BCL9: variants seen among roughly 807,000 people sequenced by gnomAD.
The protein encoded by BCL9 is BCL9 transcription coactivator.
BCL9 carries 25 observed loss-of-function variants against 88.5 expected under a neutral mutation model. That is an observed-to-expected ratio of 0.28 (90% CI 0.21 to 0.39). BCL9 has a LOEUF of 0.39. Ranked by LOEUF, BCL9 falls within the 10% of genes least tolerant of loss-of-function variation. The pLI, the probability that BCL9 is intolerant of heterozygous loss-of-function variation, is 1.00. For synonymous variants in BCL9, 711 were observed against 673.3 expected, an observed-to-expected ratio of 1.06 and a Z score of -0.87; for missense variants, 1,817 against 1,877.8, an observed-to-expected ratio of 0.97 and a Z score of 0.60.
At chr1:147,573,000 T>C (rs1557831638) in intron 1 of BCL9, among the ~76,000 whole-genome samples, 1 of 152,262 alleles carries the variant, frequency 6.6e-6, no homozygotes, top group Non-Finnish European at 1.5e-5. Context: ...TGTTTCTGTA[T>C]GTGTGTACTC....
intron 1 of BCL9, among the ~76,000 whole-genome samples, chr1:147,587,455 T>C (rs1553199369): frequency 6.6e-6 from 1 of 152,208 alleles, no homozygotes; most frequent in African/African-American, 2.4e-5. Context: ...CCTGTCTTTT[T>C]TGTACTTGTT....
At chr1:147,592,482 T>C (rs1458881026) in intron 1 of BCL9, among the ~76,000 whole-genome samples, 1 of 152,118 alleles carries the variant, frequency 6.6e-6, no homozygotes, top group East Asian at 1.9e-4. Context: ...AGGATAGAGG[T>C]CTGGCCAGAT....
At position 147,619,783 on chromosome 1, in the gene BCL9, C is replaced by A. The variant is rs1313150157; in HGVS notation, c.1628C>A (p.Ser543Tyr). Residue 543 changes from serine (S) to tyrosine (Y), a missense_variant, in exon 8 of 10, where the codon TCT becomes TAT. Physicochemically the swap from Ser to Tyr is moderately radical, Grantham distance 144 (BLOSUM62 -2). Around this residue, in one of 2 missense-constraint regions of BCL9, gnomAD observed 1,228 missense variants for 1,191.6 expected, o/e 1.03. Transcript: ENST00000234739. This position sits in a 1 kb window ranked among gnomAD's most constrained non-coding sequence, Gnocchi z 4.1. ...PFSDGINMPH[S>Y]LPPRGMAPHP... ...TCTGATGGTATCAACATGCCACATTCTCTGCCCCCGAGGGGCATGGCTCCC... is the reference window on the plus strand; with the variant it reads ...TCTGATGGTATCAACATGCCACATTATCTGCCCCCGAGGGGCATGGCTCCC... 1.9e-6 allele frequency: 3 copies of A among 1,614,044 alleles called. No individual in the cohort carries two copies. In the South Asian group the frequency reaches 3.3e-5, roughly 18 times the overall value.
intron 1 of BCL9, among the ~76,000 whole-genome samples, chr1:147,559,847 A>T (rs1466679903): frequency 6.6e-6 from 1 of 152,180 alleles, no homozygotes. Flanking sequence ...GAAAAAGAAG[A>T]TTCTTTTCTG....
rs782672030 is a variant in BCL9 at position 147,619,595 on chromosome 1, T to C, written c.1440T>C (p.Tyr480=). The C allele has an allele frequency of 3.1e-6, 5 of 1,613,950 alleles. No individual in the cohort carries two copies. The highest frequency in any genetic ancestry group is 1.1e-5 in the South Asian group (1 of 91,074). The change falls in exon 8 of 10, where the codon TAT becomes TAC. Residue 480 remains tyrosine, a synonymous_variant. Transcript: ENST00000234739. The surrounding 1 kb of genome is among the most constrained non-coding windows in gnomAD (Gnocchi z 4.1). ...GGCTGAAACTGCAGCAGGAGTTTTA[T>C]GAAGAGAAGAGGAGGAAGCAGGAAC... is the stretch of plus-strand genomic sequence containing the variant. The part of the protein sequence containing the change: ...IAWLKLQQEF[Y]EEKRRKQEQV...
At chr1:147,544,545 T>C (rs1336677373) in intron 1 of BCL9, among the ~76,000 whole-genome samples, 1 of 152,254 alleles carries the variant, frequency 6.6e-6, no homozygotes, top group Non-Finnish European at 1.5e-5. Flanking sequence ...GGATAATTCA[T>C]GTTGACCGTG....
chr1:147,552,050 G>A (rs1374681676), intron 1 of BCL9, among the ~76,000 whole-genome samples: 1 of 152,120 alleles, frequency 6.6e-6, no homozygotes, highest in Non-Finnish European at 1.5e-5. Flanking sequence ...CATCCTGGTG[G>A]AGAGAGACAG....
intron 1 of BCL9, among the ~76,000 whole-genome samples, chr1:147,551,188 C>G (rs1260155544): frequency 2.0e-5 from 3 of 152,208 alleles, no homozygotes; most frequent in Non-Finnish European, 4.4e-5. Flanking sequence ...ATACCTTCAT[C>G]TCATAGTTGA....
chr1:147,596,635 A>C (rs1553200539), intron 1 of BCL9, among the ~76,000 whole-genome samples: 1 of 152,006 alleles, frequency 6.6e-6, no homozygotes, highest in South Asian at 2.1e-4. Flanking sequence ...GGATGGTCTC[A>C]ATCTCCTGAC....
intron 1 of BCL9, among the ~76,000 whole-genome samples, chr1:147,602,505 T>C (rs1230146691): frequency 6.6e-6 from 1 of 152,150 alleles, no homozygotes; most frequent in Non-Finnish European, 1.5e-5. Context: ...CCACTGCGCA[T>C]GGCCTAGAAG....
chr1:147,619,410 G>C lies in BCL9; in HGVS notation c.1255G>C (p.Gly419Arg). The C allele has an allele frequency of 1.2e-6, 2 of 1,614,076 alleles. No individual in the cohort carries two copies. The highest frequency in any genetic ancestry group is 1.7e-6 in the Non-Finnish European group (2 of 1,180,026). Residue 419 changes from glycine to arginine, a missense_variant, in exon 8 of 10, where the codon GGA becomes CGA. Physicochemically the swap from Gly to Arg is moderately radical, Grantham distance 125 (BLOSUM62 -2). Transcript: ENST00000234739. The surrounding 1 kb of genome is among the most constrained non-coding windows in gnomAD (Gnocchi z 4.1). The part of the protein sequence containing the change: ...MMAQSQSLGK[G>R]PGPRTDVGAP... ...GGCCCAATCCCAAAGCCTAGGTAAG[G>C]GACCTGGGCCCCGGACAGACGTGGG...
chr1:147,622,968 C>CTTT (rs202085114), intron 9 of BCL9, among the ~76,000 whole-genome samples: 2 of 146,210 alleles, frequency 1.4e-5, no homozygotes, highest in Non-Finnish European at 3.0e-5. Flanking sequence ...CTAGACAAGC[C>CTTT]TTTTTTTTTT....
intron 1 of BCL9, among the ~76,000 whole-genome samples, chr1:147,572,573 T>A (rs782043833): frequency 1.1e-4 from 16 of 152,120 alleles, no homozygotes; most frequent in Admixed American, 9.8e-4. Context: ...GGTTCATAGG[T>A]AGAAGTTTTT....
rs1658537778 is a variant in BCL9, at chr1:147,620,145, G to T, written c.1990G>T (p.Gly664Cys). The T allele has an allele frequency of 6.2e-7, 1 of 1,614,202 alleles. No homozygotes were observed. The change falls in exon 8 of 10, where the codon GGC becomes TGC. Residue 664 changes from glycine to cysteine, a missense_variant. Gly to Cys is a radical substitution (Grantham distance 159, BLOSUM62 -3). This residue lies in a region of BCL9 where 1,228 missense variants were observed against 1,191.6 expected (regional missense o/e 1.03). Coordinates refer to ENST00000234739, the MANE Select transcript of BCL9 (RefSeq NM_004326.4). Reference sequence around the variant, plus strand: ...CATGGAGATGAACAGGATGATTCCAGGCTCCCAGCGCCACATGGAGCCTGG... The same window carrying T: ...CATGGAGATGAACAGGATGATTCCATGCTCCCAGCGCCACATGGAGCCTGG... The part of the protein sequence containing the change: ...PSMEMNRMIP[G>C]SQRHMEPGNN...
Position 147,620,609 on chromosome 1 carries a change from A to G in BCL9, c.2454A>G (p.Pro818=), listed in dbSNP as rs1658574006. Residue 818 remains proline, a synonymous_variant, in exon 8 of 10, where the codon CCA becomes CCG. Transcript: ENST00000234739. The stretch of plus-strand genomic sequence containing the variant: ...CTAACAGCCGGCTCAGTCATATGCC[A>G]CCACTACCTCTCAACCCTTCCAGTA... The part of the protein sequence containing the change: ...QRTNSRLSHM[P]PLPLNPSSNP... 2.5e-6 allele frequency: 4 copies of G among 1,614,120 alleles called. No individual in the cohort carries two copies. The South Asian group carries it at 4.4e-5, about 18-fold the overall frequency.
At chr1:147,599,754 G>T (rs1421561449) in intron 1 of BCL9, among the ~76,000 whole-genome samples, 1 of 151,654 alleles carries the variant, frequency 6.6e-6, no homozygotes, top group Non-Finnish European at 1.5e-5. Context: ...CCGGCGGTGG[G>T]CGGGCCCGTA....
intron 1 of BCL9, among the ~76,000 whole-genome samples, chr1:147,569,487 AAG>A (rs1491043330): frequency 0.027 from 14 of 524 alleles, no homozygotes; most frequent in Admixed American, 0.19. Context: ...AAAAAAAAAA[AAG>A]AAAGAAAAAA....
intron 1 of BCL9, among the ~76,000 whole-genome samples, chr1:147,561,517 T>C (rs1553196099): frequency 6.6e-6 from 1 of 152,246 alleles, no homozygotes; most frequent in Non-Finnish European, 1.5e-5. Flanking sequence ...ATTCATAATT[T>C]TCTAAAATCA....
At chr1:147,568,255 A>G (rs587625895) in intron 1 of BCL9, among the ~76,000 whole-genome samples, 1 of 152,328 alleles carries the variant, frequency 6.6e-6, no homozygotes, top group African/African-American at 2.4e-5. Flanking sequence ...TAAGAAATGC[A>G]GTTCTATAGC....
Sources: gnomAD v4.1 joint callset for allele counts (sites outside exome capture counted in the v4.1 genomes callset) on GRCh38, gnomAD v4.1.1 for gene constraint, gnomAD v4.1.1 regional missense constraint, Gnocchi (gnomAD v3.1) non-coding constraint, MANE v1.5 for transcripts, NCBI Gene and HGNC (gene_info 2026-07-23, HGNC 2026-07-21) for gene names.